The following CHRM3 variants were observed in gnomAD, a reference collection of about 807,000 sequenced individuals.
CHRM3 encodes the protein cholinergic receptor muscarinic 3.
A neutral mutation model predicts 41.8 loss-of-function variants in CHRM3; 11 were observed. The ratio of observed to expected loss-of-function variants is 0.26; its 90% CI spans 0.17 to 0.44. CHRM3 has a LOEUF of 0.44. Among genes scored for constraint, CHRM3 ranks in the 20% least tolerant of loss-of-function variants. CHRM3 has a pLI of 1.00. For missense variants in CHRM3, 571 were observed against 745.4 expected (o/e 0.77, Z 2.72); for synonymous variants, 297 against 301.4 (o/e 0.99, Z 0.15).
chr1:239,810,115 G>A (rs555174105), intron 5 of CHRM3, among the ~76,000 whole-genome samples: 1 of 151,640 alleles, frequency 6.6e-6, no homozygotes, highest in East Asian at 2.0e-4. Context: ...ACAAGCTTGG[G>A]GGACAGAAGC....
intron 5 of CHRM3, among the ~76,000 whole-genome samples, chr1:239,733,770 GAAAAGA>G (rs1330081877): frequency 6.6e-6 from 1 of 151,832 alleles, no homozygotes; most frequent in Non-Finnish European, 1.5e-5. Flanking sequence ...CTTATGTGGG[GAAAAGA>G]AAAAGAAAAG....
At chr1:239,445,969 G>T (rs193164195) in intron 1 of CHRM3, among the ~76,000 whole-genome samples, 2 of 151,042 alleles carry the variant, frequency 1.3e-5, no homozygotes, top group Non-Finnish European at 2.9e-5. Context: ...ACAGAGTCTC[G>T]CTCTGTCACC....
At chr1:239,700,529 C>A (rs1380133972) in intron 5 of CHRM3, among the ~76,000 whole-genome samples, 2 of 152,064 alleles carry the variant, frequency 1.3e-5, no homozygotes, top group Admixed American at 1.3e-4. Flanking sequence ...ACTTGATAAC[C>A]CCTCAGAACT....
intron 1 of CHRM3, among the ~76,000 whole-genome samples, chr1:239,435,537 A>G (rs1273774707): frequency 1.3e-5 from 2 of 152,030 alleles, no homozygotes; most frequent in Non-Finnish European, 2.9e-5. Context: ...CCAAGGAAAT[A>G]CTGAATAAAG....
intron 1 of CHRM3, among the ~76,000 whole-genome samples, chr1:239,470,115 G>A (rs1345602484): frequency 6.6e-6 from 1 of 152,120 alleles, no homozygotes; most frequent in African/African-American, 2.4e-5. Context: ...TTTAGGATGG[G>A]ACCTTAAATC....
chr1:239,442,734 G>A (rs1284562187), intron 1 of CHRM3, among the ~76,000 whole-genome samples: 4 of 152,188 alleles, frequency 2.6e-5, no homozygotes, highest in African/African-American at 9.6e-5. Flanking sequence ...AAGGGACCCA[G>A]AAGTGGCAGA....
intron 6 of CHRM3, among the ~76,000 whole-genome samples, chr1:239,894,285 G>A (rs1303863255): frequency 6.6e-6 from 1 of 152,196 alleles, no homozygotes; most frequent in Non-Finnish European, 1.5e-5. Flanking sequence ...TATTCAACAA[G>A]GGATATTTCA....
chr1:239,478,701 G>A (rs899592218), intron 1 of CHRM3, among the ~76,000 whole-genome samples: 1 of 152,130 alleles, frequency 6.6e-6, no homozygotes, highest in Non-Finnish European at 1.5e-5. Flanking sequence ...TTTTAAGATA[G>A]GTGAATGGAA....
intron 2 of CHRM3, among the ~76,000 whole-genome samples, chr1:239,530,328 C>T (rs955708404): frequency 2.6e-5 from 4 of 152,072 alleles, no homozygotes; most frequent in Non-Finnish European, 5.9e-5. Flanking sequence ...TCCCAACAAA[C>T]GAACTGAAAC....
Position 239,540,184 on chromosome 1 carries a change from CTG to C in CHRM3, c.-421-5455_-421-5454del, listed in dbSNP as rs1489258235. Among the ~76,000 whole-genome samples, 6 of 152,296 alleles carry C rather than the reference CTG, an allele frequency of 3.9e-5. No individual in the cohort carries two copies. In the East Asian group the frequency reaches 1.2e-3, roughly 29 times the overall value. ...GTCCTCATTGTTAAGTGAGGCATAA[CTG>C]TATAAGAAATAAATTTCTTCTCAGC... On this transcript the variant is annotated intron_variant, in intron 2 of 6. Transcript: ENST00000676153.
chr1:239,780,227 G>A (rs1578176), intron 5 of CHRM3, among the ~76,000 whole-genome samples: 130,298 of 152,132 alleles, frequency 0.86, 56,038 homozygotes, highest in African/African-American at 0.9. Context: ...AAGCATCAGT[G>A]CCATTTTGCG....
chr1:239,526,754 C>T (rs1670020574), intron 2 of CHRM3, among the ~76,000 whole-genome samples: 1 of 152,118 alleles, frequency 6.6e-6, no homozygotes, highest in South Asian at 2.1e-4. Context: ...CCATGTCTGC[C>T]TCACCCATAT....
chr1:239,515,638 G>A (rs1336241070), intron 2 of CHRM3, among the ~76,000 whole-genome samples: 1 of 152,222 alleles, frequency 6.6e-6, no homozygotes, highest in East Asian at 1.9e-4. Context: ...CAATTATTGT[G>A]AGAAATGAGA....
intron 4 of CHRM3, among the ~76,000 whole-genome samples, chr1:239,660,623 G>A (rs772675142): frequency 1.3e-5 from 2 of 152,026 alleles, no homozygotes; most frequent in Non-Finnish European, 2.9e-5. Context: ...TGGCTCATGC[G>A]TGTAATCCCT....
At chr1:239,498,580 A>G (rs1163676159) in intron 2 of CHRM3, among the ~76,000 whole-genome samples, 2 of 152,174 alleles carry the variant, frequency 1.3e-5, no homozygotes, top group African/African-American at 2.4e-5. Flanking sequence ...AACATAAACC[A>G]TTAAGTATAG....
chr1:239,515,170 T>C (rs1450318497), intron 2 of CHRM3, among the ~76,000 whole-genome samples: 1 of 152,086 alleles, frequency 6.6e-6, no homozygotes, highest in Non-Finnish European at 1.5e-5. Flanking sequence ...TTGGTTAGTA[T>C]ATATATTTCT....
At chr1:239,584,816 A>G (rs1266290675) in intron 3 of CHRM3, among the ~76,000 whole-genome samples, 3 of 152,140 alleles carry the variant, frequency 2.0e-5, no homozygotes, top group Non-Finnish European at 2.9e-5. Flanking sequence ...AGCCAGTTGG[A>G]AAAGCGTCTG....
At chr1:239,638,881 G>GT (rs1328488860) in intron 4 of CHRM3, among the ~76,000 whole-genome samples, 1 of 152,124 alleles carries the variant, frequency 6.6e-6, no homozygotes, top group Non-Finnish European at 1.5e-5. Context: ...TTCTTCTAGG[G>GT]TTTTTATGGT....
At chr1:239,733,370 TC>T (rs1374734106) in intron 5 of CHRM3, among the ~76,000 whole-genome samples, 2 of 151,596 alleles carry the variant, frequency 1.3e-5, no homozygotes, top group African/African-American at 4.8e-5. Context: ...ACCAGAGATT[TC>T]CCCCGTTGTC....
Sources: gnomAD v4.1 joint callset for allele counts (sites outside exome capture counted in the v4.1 genomes callset) on GRCh38, gnomAD v4.1.1 for gene constraint, MANE v1.5 for transcripts, NCBI Gene and HGNC (gene_info 2026-07-23, HGNC 2026-07-21) for gene names.